Variants in CPED1 observed in about 807,000 individuals in gnomAD.
CPED1 encodes cadherin-like and PC-esterase domain-containing protein 1.
Under a neutral mutation model 128.2 loss-of-function variants are expected in CPED1, and 114 were observed. The observed-to-expected ratio is 0.89, with a 90% CI of 0.76 to 1.04. The LOEUF is 1.04. Ranked by LOEUF, CPED1 falls within the 50% of genes least tolerant of loss-of-function variation. CPED1 has a pLI of 0.00. For missense variants in CPED1, 1,211 were observed against 1,207.1 expected (o/e 1.00, Z -0.05); for synonymous variants, 462 against 426.7 (o/e 1.08, Z -1.02).
intron 18 of CPED1, among the ~76,000 whole-genome samples, chr7:121,257,764 G>A (rs892156579): frequency 6.6e-6 from 1 of 151,848 alleles, no homozygotes; most frequent in Non-Finnish European, 1.5e-5. Context: ...TCATTACTAA[G>A]ACAAATAAGT....
chr7:121,002,635 T>C lies in CPED1; in HGVS notation c.249+12765T>C, dbSNP rs80211900. Among the ~76,000 whole-genome samples, 296 of 151,968 alleles carry C rather than the reference T, an allele frequency of 1.9e-3. 2 individuals are homozygous for C. The highest frequency in any genetic ancestry group is 6.8e-3 in the African/African-American group (281 of 41,360). ...TTTCTTGTGGGGGAGTATATGAAGA[T>C]AGGGAAGAAAGGAGGTGAGTGTACT... On this transcript the variant is annotated intron_variant, in intron 2 of 22. Coordinates refer to ENST00000310396, the MANE Select transcript of CPED1 (RefSeq NM_024913.5).
chr7:121,203,636 G>A (rs563212833), intron 16 of CPED1, among the ~76,000 whole-genome samples: 28 of 152,156 alleles, frequency 1.8e-4, no homozygotes, highest in Middle Eastern at 3.4e-3. Context: ...TCTCCCTCCT[G>A]TGCTGCTTCT....
At chr7:121,228,309 A>T (rs1798062062) in intron 16 of CPED1, among the ~76,000 whole-genome samples, 1 of 152,034 alleles carries the variant, frequency 6.6e-6, no homozygotes, top group East Asian at 1.9e-4. Context: ...AAATAATTCC[A>T]TCAACAAGTG....
intron 22 of CPED1, among the ~76,000 whole-genome samples, chr7:121,294,121 C>G (rs1792771581): frequency 6.6e-6 from 1 of 152,068 alleles, no homozygotes; most frequent in African/African-American, 2.4e-5. Context: ...GTTTGATTAA[C>G]TCAGTAATTA....
chr7:121,202,452 A>G (rs184281662), intron 16 of CPED1, among the ~76,000 whole-genome samples: 2 of 152,288 alleles, frequency 1.3e-5, no homozygotes, highest in East Asian at 3.9e-4. Context: ...TGGGAGAGCC[A>G]TGGGCATCTT....
chr7:121,182,861 C>T (rs923033214), intron 16 of CPED1, among the ~76,000 whole-genome samples: 18 of 152,050 alleles, frequency 1.2e-4, no homozygotes, highest in Non-Finnish European at 5.9e-5. Flanking sequence ...GCTTGAGGAC[C>T]ACTGTGCCTG....
chr7:120,996,826 C>T (rs974035296), intron 2 of CPED1, among the ~76,000 whole-genome samples: 1 of 152,188 alleles, frequency 6.6e-6, no homozygotes, highest in Non-Finnish European at 1.5e-5. Flanking sequence ...TAACCAGTTA[C>T]CCCTCCATCT....
chr7:121,216,760 T>A (rs1325467696), intron 16 of CPED1, among the ~76,000 whole-genome samples: 1 of 152,016 alleles, frequency 6.6e-6, no homozygotes, highest in African/African-American at 2.4e-5. Context: ...ATACTCTGTA[T>A]GGAGAATAAC....
chr7:121,267,026 G>A (rs549012409), intron 20 of CPED1, among the ~76,000 whole-genome samples, 189 bp from the exon 21 acceptor site: 1 of 152,000 alleles, frequency 6.6e-6, no homozygotes, highest in East Asian at 1.9e-4. Context: ...ATCAAAATGT[G>A]TCTACTGACA....
rs1795519393 is a variant in CPED1, at chr7:121,126,993, A to G, written c.1135-97A>G. On this transcript the variant is annotated intron_variant, in intron 9 of 22. Coordinates refer to ENST00000310396, the MANE Select transcript of CPED1 (RefSeq NM_024913.5). ...GACCACTAGATGTCAGTTCTGATCT[A>G]TAATCCAACAGGAAATAAATCATGT... 1.7e-5 allele frequency: 16 copies of G among 939,716 alleles called. No individual in the cohort carries two copies. In the South Asian group the frequency reaches 1.9e-4, roughly 11 times the overall value. The allele number at this position is 939,716 out of a possible 1,614,324, so 58.2% of individuals were successfully genotyped here. A position where few individuals can be genotyped will look rare whatever the true frequency, so the allele number is the denominator to read the frequency against.
rs539183571 is a variant in CPED1, at chr7:121,250,435, T to C, written c.2310+6097T>C. 4.0e-5 allele frequency among the ~76,000 whole-genome samples: 6 copies of C among 151,720 alleles called. No individual in the cohort carries two copies. The East Asian group carries it at 1.2e-3, about 29-fold the overall frequency. ...AACTAGAGAAGCAAGAGCAAACACA[T>C]TCAAAAGCTAGCAGAAGGCAAGAAA... On this transcript the variant is annotated intron_variant, in intron 18 of 22. Transcript: ENST00000310396.
At chr7:121,160,396 C>T (rs577532467) in intron 16 of CPED1, among the ~76,000 whole-genome samples, 13 of 152,142 alleles carry the variant, frequency 8.5e-5, no homozygotes, top group South Asian at 2.1e-4. Context: ...GGATAGAGAG[C>T]GAGAAGAGGT....
chr7:121,261,611 C>A, intron 18 of CPED1: 1 of 1,606,236 alleles, frequency 6.2e-7, no homozygotes, highest in Non-Finnish European at 8.5e-7. Context: ...AACCTGACAG[C>A]TTCTTTTTTC....
At chr7:121,167,875 G>A (rs1236677275) in intron 16 of CPED1, among the ~76,000 whole-genome samples, 3 of 151,914 alleles carry the variant, frequency 2.0e-5, no homozygotes, top group Non-Finnish European at 4.4e-5. Flanking sequence ...GGGACTACAG[G>A]CGCCTGCCAC....
At chr7:121,152,120 C>A (rs1280395116) in intron 16 of CPED1, among the ~76,000 whole-genome samples, 1 of 152,096 alleles carries the variant, frequency 6.6e-6, no homozygotes, top group Non-Finnish European at 1.5e-5. Flanking sequence ...TTGAGCATGA[C>A]CTCATTCTTC....
At chr7:121,071,790 A>C (rs1793997658) in intron 5 of CPED1, among the ~76,000 whole-genome samples, 1 of 152,010 alleles carries the variant, frequency 6.6e-6, no homozygotes, top group South Asian at 2.1e-4. Context: ...TGGGCCTTTA[A>C]TTTCATCAGC....
At chr7:121,002,732 G>A (rs1400107670) in intron 2 of CPED1, among the ~76,000 whole-genome samples, 2 of 152,112 alleles carry the variant, frequency 1.3e-5, no homozygotes, top group African/African-American at 4.8e-5. Flanking sequence ...TTGCCTGAGA[G>A]CAGATAAACT....
At chr7:121,200,841 A>G (rs529087620) in intron 16 of CPED1, among the ~76,000 whole-genome samples, 1 of 152,152 alleles carries the variant, frequency 6.6e-6, no homozygotes, top group South Asian at 2.1e-4. Flanking sequence ...GTTAAGATCA[A>G]TGAGGAAATG....
At chr7:121,127,001 A>G (rs1795519497) in intron 9 of CPED1, 89 bp from the exon 10 acceptor site, 2 of 1,002,270 alleles carry the variant, frequency 2.0e-6, no homozygotes, top group Admixed American at 5.5e-5. Context: ...CTATAATCCA[A>G]CAGGAAATAA....
Sources: gnomAD v4.1 joint callset for allele counts (sites outside exome capture counted in the v4.1 genomes callset) on GRCh38, gnomAD v4.1.1 for gene constraint, MANE v1.5 for transcripts, NCBI Gene and HGNC (gene_info 2026-07-23, HGNC 2026-07-21) for gene names.